GNAO1: variants seen among roughly 807,000 people sequenced by gnomAD.
GNAO1 encodes G protein subunit alpha o1.
For missense variants in GNAO1, 166 were observed against 478.7 expected (o/e 0.35, Z 6.10); for synonymous variants, 164 against 180.7 (o/e 0.91, Z 0.74).
rs540752805 is a variant in GNAO1, at chr16:56,251,784, T to C, written c.162-24147T>C. The stretch of plus-strand genomic sequence containing the variant: ...TCCCCACAGGTGTCATTTTGGTACC[T>C]GGTGAGAGGGTCTGCCTGTCTCCCT... On this transcript the variant is annotated intron_variant, in intron 2 of 8. Coordinates refer to ENST00000262493, the MANE Select transcript of GNAO1 (RefSeq NM_020988.3). 3.9e-5 allele frequency among the ~76,000 whole-genome samples: 6 copies of C among 152,298 alleles called. 1 individual carries two copies. The East Asian group carries it at 7.7e-4, about 20-fold the overall frequency.
intron 6 of GNAO1, among the ~76,000 whole-genome samples, chr16:56,350,905 G>GCA (rs1204165924): frequency 3.9e-5 from 6 of 152,102 alleles, no homozygotes; most frequent in African/African-American, 1.4e-4. Flanking sequence ...ACACACACAG[G>GCA]CACACACACA....
chr16:56,342,758 AGCCCAGT>A (rs1196491918), intron 6 of GNAO1, among the ~76,000 whole-genome samples: 8 of 152,240 alleles, frequency 5.3e-5, no homozygotes, highest in Non-Finnish European at 1.2e-4. Context: ...TACCTGCATG[AGCCCAGT>A]GCCCTCAAAC....
At chr16:56,256,418 GT>G (rs148186597) in intron 2 of GNAO1, among the ~76,000 whole-genome samples, 6,604 of 152,190 alleles carry the variant, frequency 0.043, 313 homozygotes, top group African/African-American at 0.11. Context: ...CCTTGGCCAA[GT>G]TCTTTCCGGC....
At chr16:56,204,408 G>A (rs1474064519) in intron 2 of GNAO1, among the ~76,000 whole-genome samples, 3 of 152,152 alleles carry the variant, frequency 2.0e-5, no homozygotes, top group Non-Finnish European at 4.4e-5. Context: ...GGTGTCCCTG[G>A]GGTGAGCATA....
At chr16:56,223,914 T>C (rs1018850692) in intron 2 of GNAO1, among the ~76,000 whole-genome samples, 2 of 152,166 alleles carry the variant, frequency 1.3e-5, no homozygotes, top group African/African-American at 4.8e-5. Context: ...TAAATGGATG[T>C]TGAATGAATG....
chr16:56,249,710 C>G (rs1033863814), intron 2 of GNAO1, among the ~76,000 whole-genome samples: 19 of 152,208 alleles, frequency 1.2e-4, no homozygotes, highest in African/African-American at 4.3e-4. Context: ...CAAGTCTTTT[C>G]TCTCTATTCA....
At chr16:56,283,542 T>C (rs1175738767) in intron 3 of GNAO1, among the ~76,000 whole-genome samples, 1 of 152,188 alleles carries the variant, frequency 6.6e-6, no homozygotes, top group Non-Finnish European at 1.5e-5. Context: ...TTAATAATCA[T>C]GGAAATATTG....
intron 3 of GNAO1, among the ~76,000 whole-genome samples, chr16:56,312,778 G>C (rs1355532922): frequency 1.3e-5 from 2 of 152,242 alleles, no homozygotes; most frequent in Non-Finnish European, 2.9e-5. Flanking sequence ...CCTTCCAAGT[G>C]GGGCACGTGC....
intron 2 of GNAO1, among the ~76,000 whole-genome samples, chr16:56,205,180 T>C (rs1242937400): frequency 1.3e-5 from 2 of 152,218 alleles, no homozygotes; most frequent in Admixed American, 1.3e-4. Flanking sequence ...ATTTGTCTTG[T>C]AATACTGTCA....
At chr16:56,204,422 A>G in intron 2 of GNAO1, among the ~76,000 whole-genome samples, 1 of 152,106 alleles carries the variant, frequency 6.6e-6, no homozygotes, top group East Asian at 1.9e-4. Context: ...GAGCATACAT[A>G]TGGCCAGGAG....
intron 2 of GNAO1, among the ~76,000 whole-genome samples, chr16:56,212,644 T>C (rs1374178993): frequency 6.6e-6 from 1 of 152,244 alleles, no homozygotes; most frequent in Non-Finnish European, 1.5e-5. Context: ...CTTTAGTGCT[T>C]GGACTTGTCT....
At chr16:56,314,683 A>G (rs1194582727) in intron 3 of GNAO1, among the ~76,000 whole-genome samples, 1 of 152,120 alleles carries the variant, frequency 6.6e-6, no homozygotes, top group Non-Finnish European at 1.5e-5. Flanking sequence ...GGCTAAGGAG[A>G]CCACGATTGT....
rs547505508 is a variant in GNAO1 at position 56,251,188 on chromosome 16, G to A, written c.162-24743G>A. Among the ~76,000 whole-genome samples, 6 of 152,306 alleles carry A rather than the reference G, an allele frequency of 3.9e-5. No homozygotes were observed. In the South Asian group the frequency reaches 8.3e-4, roughly 21 times the overall value. ...TGGCAATTATCCTATTTATAGATGA[G>A]GAGACTGAGGGTTAGAGAAATTCAG... On this transcript the variant is annotated intron_variant, in intron 2 of 8. Coordinates refer to ENST00000262493, the MANE Select transcript of GNAO1 (RefSeq NM_020988.3).
At chr16:56,256,763 T>A (rs939395273) in intron 2 of GNAO1, among the ~76,000 whole-genome samples, 1 of 150,988 alleles carries the variant, frequency 6.6e-6, no homozygotes. Flanking sequence ...TGTGTGTTTG[T>A]CTTTTTTTCT....
intron 2 of GNAO1, among the ~76,000 whole-genome samples, chr16:56,237,413 G>T (rs75317065): frequency 0.015 from 2,281 of 152,260 alleles, 31 homozygotes; most frequent in Non-Finnish European, 0.021. Context: ...CTACGGCTGT[G>T]CAGAGCAATG....
Position 56,343,978 on chromosome 16 carries a change from CCCTGCCTGG to C in GNAO1, c.723+7125_723+7133del, listed in dbSNP as rs753868720. 8 of 1,606,856 alleles carry C rather than the reference CCCTGCCTGG, an allele frequency of 5.0e-6. No homozygotes were observed. The Admixed American group carries it at 6.7e-5, about 13-fold the overall frequency. On this transcript the variant is annotated intron_variant, in intron 6 of 8. Transcript: ENST00000262493. ...CCAGCCGCCCTGCCCGGCACCCTTG[CCCTGCCTGG>C]CCTGCCGCCCCCCCTCCCCTGGAAC...
intron 3 of GNAO1, 93 bp from the exon 4 acceptor site, chr16:56,328,538 C>T: frequency 4.5e-6 from 6 of 1,335,396 alleles, no homozygotes; most frequent in Non-Finnish European, 6.3e-6. Flanking sequence ...GCTGGGCTCT[C>T]ATCACAGTCC....
intron 3 of GNAO1, among the ~76,000 whole-genome samples, chr16:56,300,038 C>CGCGCGCGCGCGCACGCACATGTGCTTGT (rs2037328579): frequency 3.9e-5 from 5 of 127,062 alleles, no homozygotes; most frequent in Non-Finnish European, 8.0e-5. Flanking sequence ...TGTGTGTGTG[C>CGCGCGCGCGCGCACGCACATGTGCTTGT]GCGCGCGCGC....
intron 6 of GNAO1, chr16:56,347,045 C>G (rs2037876596): frequency 7.1e-6 from 7 of 985,356 alleles, no homozygotes; most frequent in Admixed American, 6.1e-5. Context: ...TGGCCACCCC[C>G]TTTATTTCTC....
Sources: gnomAD v4.1 joint callset for allele counts (sites outside exome capture counted in the v4.1 genomes callset) on GRCh38, gnomAD v4.1.1 for gene constraint, MANE v1.5 for transcripts, NCBI Gene and HGNC (gene_info 2026-07-23, HGNC 2026-07-21) for gene names.